RFX3: variants seen among roughly 807,000 people sequenced by gnomAD.
The protein encoded by RFX3 is transcription factor RFX3.
A neutral mutation model predicts 98.6 loss-of-function variants in RFX3; 14 were observed. That is an observed-to-expected ratio of 0.14 (90% CI 0.09 to 0.22). The LOEUF is 0.22. Among genes scored for constraint, RFX3 ranks in the 10% least tolerant of loss-of-function variants. The pLI is 1.00. For missense variants in RFX3, 639 were observed against 926.9 expected (o/e 0.69, Z 4.03); for synonymous variants, 383 against 328.4 (o/e 1.17, Z -1.80).
At chr9:3,425,903 T>C (rs1374277926) in intron 1 of RFX3, among the ~76,000 whole-genome samples, 1 of 152,218 alleles carries the variant, frequency 6.6e-6, no homozygotes, top group African/African-American at 2.4e-5. Flanking sequence ...TGATATTTCT[T>C]AATAGCATGT....
intron 13 of RFX3, among the ~76,000 whole-genome samples, chr9:3,260,661 G>C (rs992318240): frequency 6.6e-6 from 1 of 151,462 alleles, no homozygotes; most frequent in African/African-American, 2.4e-5. Context: ...TTACAGTATA[G>C]ATTTTAAGGC....
intron 6 of RFX3, among the ~76,000 whole-genome samples, chr9:3,290,025 C>G (rs1373657473): frequency 6.6e-6 from 1 of 151,956 alleles, no homozygotes; most frequent in East Asian, 1.9e-4. Flanking sequence ...AAATGCTAAA[C>G]AGTTTCTATG....
At chr9:3,379,135 C>T (rs527837426) in intron 2 of RFX3, among the ~76,000 whole-genome samples, 83 of 152,178 alleles carry the variant, frequency 5.5e-4, no homozygotes, top group African/African-American at 1.8e-3. Context: ...ACAGTGGGAG[C>T]AAAGGGAGAC....
At chr9:3,374,115 CAA>C (rs71324245) in intron 2 of RFX3, among the ~76,000 whole-genome samples, 3 of 151,418 alleles carry the variant, frequency 2.0e-5, no homozygotes, top group African/African-American at 7.3e-5. Flanking sequence ...CACACACACA[CAA>C]ACCCCACAAC....
intron 1 of RFX3, among the ~76,000 whole-genome samples, chr9:3,437,348 T>G (rs911800654): frequency 6.6e-6 from 1 of 152,100 alleles, no homozygotes; most frequent in East Asian, 1.9e-4. Flanking sequence ...TTCAACTGTT[T>G]GAAATAAACA....
At position 3,263,011 on chromosome 9, in the gene RFX3, C is replaced by A; in HGVS notation, c.1529G>T (p.Arg510Leu). ...TSLNHLAQAA[R>L]AVLQNTSQIN... ...TTGGGAAGTGTTCTGAAGCACTGCA[C>A]GAGCTGCCTGGGCCAGGTGATTAAG... is the stretch of plus-strand genomic sequence containing the variant. Residue 510 changes from arginine (R) to leucine (L), a missense_variant, in exon 13 of 17, where the codon CGT (arginine) becomes CTT (leucine). Around this residue, in one of 9 missense-constraint regions of RFX3, gnomAD observed 138 missense variants for 308.9 expected, o/e 0.45. Transcript: ENST00000617270. 2 of 1,613,846 alleles carry A rather than the reference C, an allele frequency of 1.2e-6. No homozygotes were observed. The highest frequency in any genetic ancestry group is 8.5e-7 in the Non-Finnish European group (1 of 1,179,808).
chr9:3,521,410 C>T (rs563002448), intron 1 of RFX3, among the ~76,000 whole-genome samples: 1 of 152,172 alleles, frequency 6.6e-6, no homozygotes, highest in African/African-American at 2.4e-5. Flanking sequence ...CTATTATATG[C>T]TTCAATGCAT....
intron 1 of RFX3, among the ~76,000 whole-genome samples, chr9:3,478,611 TA>T (rs762711264): frequency 1.3e-5 from 2 of 152,172 alleles, no homozygotes; most frequent in African/African-American, 2.4e-5. Context: ...AGCTTACAAA[TA>T]GCACTGATTT....
rs1272327617 is a variant in RFX3 at position 3,221,365 on chromosome 9, C to G, written c.*3677G>C. The G allele has an allele frequency of 6.6e-5, 10 of 152,140 alleles. No individual in the cohort carries two copies. Among genetic ancestry groups the G allele is most frequent in the Admixed American group, 6.5e-4 (10 of 15,272 alleles). The allele number at this position is 152,140 out of a possible 1,614,324, so 9.4% of individuals were successfully genotyped here. On this transcript the variant is annotated 3_prime_UTR_variant, in exon 17 of 17. Coordinates refer to ENST00000617270, the MANE Select transcript of RFX3 (RefSeq NM_001282116.2). Reference sequence around the variant, plus strand: ...CGTATTCATTCCTGAATAACTTTTACAGCATTCTACAAGAACGTATTCATT... The same window carrying G: ...CGTATTCATTCCTGAATAACTTTTAGAGCATTCTACAAGAACGTATTCATT...
At chr9:3,482,827 G>A (rs1307635223) in intron 1 of RFX3, among the ~76,000 whole-genome samples, 6 of 152,064 alleles carry the variant, frequency 3.9e-5, no homozygotes, top group Admixed American at 3.9e-4. Flanking sequence ...ACTTGCATAT[G>A]TAAGGGCCTA....
chr9:3,360,855 T>C (rs985444397), intron 2 of RFX3, among the ~76,000 whole-genome samples: 1 of 152,158 alleles, frequency 6.6e-6, no homozygotes, highest in Non-Finnish European at 1.5e-5. Flanking sequence ...GAATCACACC[T>C]CAAAACAGAA....
Position 3,275,527 on chromosome 9 carries a change from C to A in RFX3, c.1059G>T (p.Leu353=). 4 of 1,608,096 alleles carry A rather than the reference C, an allele frequency of 2.5e-6. No individual in the cohort carries two copies. Among genetic ancestry groups the A allele is most frequent in the Non-Finnish European group, 3.4e-6 (4 of 1,174,766 alleles). Residue 353 remains leucine (L), a synonymous_variant, in exon 9 of 17, where the codon CTG becomes CTT. Transcript: ENST00000617270. ...DGTTFEDIKS[L]QSLYREHCEA... is the part of the protein sequence containing the mutation. ...CACAGTGCTCTCTATAAAGACTCTG[C>A]AGTGACTTGATATCCTCAAAGGTAG...
intron 1 of RFX3, among the ~76,000 whole-genome samples, chr9:3,504,380 A>G (rs12350119): frequency 0.039 from 5,110 of 130,848 alleles, 679 homozygotes; most frequent in African/African-American, 0.14. Flanking sequence ...TATATTATAT[A>G]CCACATAGCA....
intron 13 of RFX3, among the ~76,000 whole-genome samples, chr9:3,262,102 C>T (rs1273944573): frequency 6.6e-6 from 1 of 152,102 alleles, no homozygotes; most frequent in Non-Finnish European, 1.5e-5. Context: ...TGCCATTTCA[C>T]ATTCTTGATG....
chr9:3,257,959 C>G (rs540348923), intron 13 of RFX3, among the ~76,000 whole-genome samples: 1 of 152,110 alleles, frequency 6.6e-6, no homozygotes, highest in African/African-American at 2.4e-5. Flanking sequence ...TTTAAGGCTA[C>G]TTTTCAGTGA....
chr9:3,358,804 A>T (rs1836070297), intron 2 of RFX3, among the ~76,000 whole-genome samples: 1 of 152,098 alleles, frequency 6.6e-6, no homozygotes, highest in African/African-American at 2.4e-5. Flanking sequence ...TCATGGCAGA[A>T]GGGGAAGCAA....
chr9:3,525,971 A>T lies in RFX3; in HGVS notation c.-233T>A, dbSNP rs1166234383. ...GAGAGAGAGAGCGAGAGGGAGAGGG[A>T]GACACTCGCACGGGGAGGGGTGGGG... On this transcript the variant is annotated 5_prime_UTR_variant, in exon 1 of 17. Coordinates refer to ENST00000617270, the MANE Select transcript of RFX3 (RefSeq NM_001282116.2). 5 of 173,928 alleles carry T rather than the reference A, an allele frequency of 2.9e-5. No individual in the cohort carries two copies. Among genetic ancestry groups the T allele is most frequent in the Non-Finnish European group, 5.1e-5 (5 of 98,768 alleles). 10.8% of individuals were successfully genotyped at this position (173,928 alleles called of 1,614,324 possible).
chr9:3,281,882 C>T (rs1253692725), intron 7 of RFX3, among the ~76,000 whole-genome samples: 1 of 151,686 alleles, frequency 6.6e-6, no homozygotes, highest in Non-Finnish European at 1.5e-5. Flanking sequence ...TATATATTTA[C>T]CATTACATTC....
intron 12 of RFX3, among the ~76,000 whole-genome samples, chr9:3,263,967 G>C (rs952432369): frequency 3.3e-5 from 5 of 152,184 alleles, no homozygotes; most frequent in Admixed American, 2.6e-4. Flanking sequence ...GGGAAAGAGT[G>C]GATTTCCTAA....
Sources: allele counts gnomAD v4.1 joint callset (sites outside exome capture counted in the v4.1 genomes callset), GRCh38; gene constraint gnomAD v4.1.1; regional missense constraint gnomAD v4.1.1; transcripts MANE v1.5; gene names NCBI Gene and HGNC (gene_info 2026-07-23, HGNC 2026-07-21).